Variants in SYT10 observed in about 807,000 individuals in gnomAD.
SYT10 encodes synaptotagmin-10.
SYT10 carries 31 observed loss-of-function variants against 51.1 expected under a neutral mutation model. The ratio of observed to expected loss-of-function variants is 0.61; its 90% CI spans 0.46 to 0.82. The LOEUF is 0.82. Among genes scored for constraint, SYT10 ranks in the 40% least tolerant of loss-of-function variants. The pLI is 0.00. For synonymous variants in SYT10, 233 were observed against 225.9 expected, an observed-to-expected ratio of 1.03 and a Z score of -0.28; for missense variants, 603 against 634.0, an observed-to-expected ratio of 0.95 and a Z score of 0.53.
chr12:33,409,657 G>C (rs999115994), intron 2 of SYT10, among the ~76,000 whole-genome samples: 2 of 151,888 alleles, frequency 1.3e-5, no homozygotes, highest in Non-Finnish European at 2.9e-5. Context: ...GGGACTACAG[G>C]CGCCCCCTAC....
At chr12:33,436,332 A>G (rs1866637284) in intron 1 of SYT10, among the ~76,000 whole-genome samples, 1 of 152,166 alleles carries the variant, frequency 6.6e-6, no homozygotes, top group South Asian at 2.1e-4. Flanking sequence ...TGGGTGACAT[A>G]TCTATTTCGG....
chr12:33,398,552 C>A (rs2138404993), intron 3 of SYT10, among the ~76,000 whole-genome samples: 1 of 152,084 alleles, frequency 6.6e-6, no homozygotes, highest in African/African-American at 2.4e-5. Flanking sequence ...TATCTACTCA[C>A]TGAATCACAG....
At chr12:33,439,292 G>T in intron 1 of SYT10, 80 bp downstream of exon 1, 2 of 1,510,526 alleles carry the variant, frequency 1.3e-6, no homozygotes. Context: ...GGCGCGGGAG[G>T]CGCAGAACCC....
chr12:33,420,843 G>C (rs968411315), intron 2 of SYT10, among the ~76,000 whole-genome samples: 3 of 152,118 alleles, frequency 2.0e-5, no homozygotes, highest in Admixed American at 2.0e-4. Flanking sequence ...TTCATGAAGG[G>C]AATTATTTAA....
At chr12:33,379,347 C>T (rs1475622678) in intron 6 of SYT10, among the ~76,000 whole-genome samples, 4 of 151,904 alleles carry the variant, frequency 2.6e-5, no homozygotes, top group African/African-American at 9.7e-5. Flanking sequence ...GTTTTACTTC[C>T]TGACCAGAGC....
intron 2 of SYT10, among the ~76,000 whole-genome samples, chr12:33,420,152 C>T (rs1591994836): frequency 6.6e-6 from 1 of 152,160 alleles, no homozygotes; most frequent in Admixed American, 6.5e-5. Context: ...CACATCTCCT[C>T]GACCTTACTG....
chr12:33,438,936 G>A (rs1056124576), intron 1 of SYT10, among the ~76,000 whole-genome samples: 8 of 152,254 alleles, frequency 5.3e-5, no homozygotes, highest in Admixed American at 5.2e-4. Context: ...CCATCAACAA[G>A]GCCGGGACCA....
At chr12:33,415,649 A>G (rs1866446679) in intron 2 of SYT10, among the ~76,000 whole-genome samples, 1 of 152,158 alleles carries the variant, frequency 6.6e-6, no homozygotes, top group Non-Finnish European at 1.5e-5. Context: ...TGCATCAGAA[A>G]CTCTCATCAT....
Position 33,439,462 on chromosome 12 carries a change from T to C in SYT10, c.61A>G (p.Thr21Ala). 2 of 1,614,216 alleles carry C rather than the reference T, an allele frequency of 1.2e-6. No individual in the cohort carries two copies. Among genetic ancestry groups the C allele is most frequent in the Non-Finnish European group, 1.7e-6 (2 of 1,180,014 alleles). The change falls in exon 1 of 7, where the codon ACC becomes GCC. Residue 21 changes from threonine (T) to alanine (A), a missense_variant. Thr to Ala is a moderately conservative substitution (Grantham distance 58). Transcript: ENST00000228567. The part of the protein sequence containing the change: ...SLCQKALHIV[T>A]ELCFAGQVEW... ...ACCTGGCCGGCGAAGCACAGCTCGG[T>C]GACGATGTGCAGAGCCTTCTGGCAC...
intron 1 of SYT10, among the ~76,000 whole-genome samples, chr12:33,433,240 T>C (rs1866611220): frequency 6.6e-6 from 1 of 152,120 alleles, no homozygotes. Flanking sequence ...TTCAGTTTGA[T>C]AGATTCATAC....
chr12:33,405,395 A>C (rs1866344032), intron 3 of SYT10: 1 of 152,134 alleles, frequency 6.6e-6, no homozygotes. Flanking sequence ...TGTGCATTTG[A>C]AATATAATCC....
rs1866670905 is a variant in SYT10 at position 33,439,808 on chromosome 12, C to A, written c.-286G>T. 4.5e-6 allele frequency: 2 copies of A among 443,604 alleles called. No homozygotes were observed. The highest frequency in any genetic ancestry group is 8.1e-6 in the Non-Finnish European group (2 of 247,168). The allele number at this position is 443,604 out of a possible 1,614,324, so 27.5% of individuals were successfully genotyped here. ...GCCGAGGCGCGCTGGAACTAGAGAC[C>A]CGGCATGGAGTGCTGAGGGGAGGGG... On this transcript the variant is annotated 5_prime_UTR_variant, in exon 1 of 7. Coordinates refer to ENST00000228567, the MANE Select transcript of SYT10 (RefSeq NM_198992.4).
At chr12:33,387,320 GT>G (rs1221717449) in intron 3 of SYT10, among the ~76,000 whole-genome samples, 2 of 152,162 alleles carry the variant, frequency 1.3e-5, no homozygotes, top group East Asian at 1.9e-4. Flanking sequence ...ATTCAATTAA[GT>G]TTTTAATCTC....
intron 3 of SYT10, among the ~76,000 whole-genome samples, chr12:33,393,014 A>AAAAAAAT: frequency 7.0e-6 from 1 of 142,716 alleles, no homozygotes; most frequent in South Asian, 2.2e-4. Flanking sequence ...AAAAAAAAAA[A>AAAAAAAT]TTGCAAAAAC....
chr12:33,385,693 C>T (rs185420414), intron 3 of SYT10, among the ~76,000 whole-genome samples: 79 of 152,272 alleles, frequency 5.2e-4, no homozygotes, highest in East Asian at 3.3e-3. Context: ...TGGGCAAGTC[C>T]TGTCTACACT....
chr12:33,406,836 G>A lies in SYT10; in HGVS notation c.1030C>T (p.Leu344Phe). 7 of 1,613,864 alleles carry A rather than the reference G, an allele frequency of 4.3e-6. No homozygotes were observed. Among genetic ancestry groups the A allele is most frequent in the Non-Finnish European group, 5.9e-6 (7 of 1,179,978 alleles). The part of the protein sequence containing the change: ...ILDNLFEVSD[L>F]SREATVWKDI... ...TTCCATACTGTGGCTTCCCTGGAGA[G>A]ATCAGAGACTTCAAACAAATTATCA... Residue 344 changes from leucine to phenylalanine, a missense_variant, in exon 3 of 7, where the codon CTC becomes TTC. Transcript: ENST00000228567.
chr12:33,383,705 C>A (rs148300039), intron 4 of SYT10, among the ~76,000 whole-genome samples: 1 of 152,238 alleles, frequency 6.6e-6, no homozygotes, highest in African/African-American at 2.4e-5. Flanking sequence ...TAATTCCCGT[C>A]ACGTCTCTGA....
chr12:33,424,055 A>C (rs7980799), intron 2 of SYT10: 309,045 of 454,176 alleles, frequency 0.68, 108,654 homozygotes, highest in East Asian at 0.95. Flanking sequence ...TGATTGATAT[A>C]AAAGTTCTAG....
Position 33,404,677 on chromosome 12 carries a change from C to T in SYT10, c.1077+2112G>A, listed in dbSNP as rs533462507. Among the ~76,000 whole-genome samples, 28 of 152,268 alleles carry T rather than the reference C, an allele frequency of 1.8e-4. No homozygotes were observed. In the South Asian group the frequency reaches 5.8e-3, roughly 32 times the overall value. On this transcript the variant is annotated intron_variant, in intron 3 of 6. Transcript: ENST00000228567. ...AAGTGTTGGGAATTACAGGCATGAG[C>T]CACCACACCTGGCCCCATGTTAGGT...
Sources: gnomAD v4.1 joint callset for allele counts (sites outside exome capture counted in the v4.1 genomes callset) on GRCh38, gnomAD v4.1.1 for gene constraint, MANE v1.5 for transcripts, NCBI Gene and HGNC (gene_info 2026-07-23, HGNC 2026-07-21) for gene names.